Variants in PADI2 observed in about 807,000 individuals in gnomAD.
PADI2 encodes protein-arginine deiminase type-2.
A neutral mutation model predicts 81.1 loss-of-function variants in PADI2; 70 were observed. The observed-to-expected ratio is 0.86, with a 90% CI of 0.71 to 1.05. The LOEUF (loss-of-function observed/expected upper bound fraction) is 1.05, where lower values mean the gene tolerates loss of function less well. Ranked by LOEUF, PADI2 falls within the 50% of genes least tolerant of loss-of-function variation. The pLI, the probability that PADI2 is intolerant of heterozygous loss-of-function variation, is 0.00. For missense variants in PADI2, 853 were observed against 889.9 expected (o/e 0.96, Z 0.53); for synonymous variants, 338 against 358.0 (o/e 0.94, Z 0.63).
At chr1:17,105,637 G>A (rs894198894) in intron 1 of PADI2, among the ~76,000 whole-genome samples, 6 of 151,970 alleles carry the variant, frequency 3.9e-5, no homozygotes, top group African/African-American at 4.8e-5. Context: ...CAGGTGATCC[G>A]CCTGCCTTGG....
chr1:17,083,044 ATT>A (rs11368051), intron 9 of PADI2: 3 of 158,358 alleles, frequency 1.9e-5, no homozygotes, highest in Non-Finnish European at 2.8e-5. Context: ...TAATTTTTAA[ATT>A]TTTTTTTGTG....
intron 3 of PADI2, among the ~76,000 whole-genome samples, chr1:17,102,754 G>T (rs574269845): frequency 2.8e-4 from 42 of 151,378 alleles, no homozygotes; most frequent in Middle Eastern, 3.4e-3. Context: ...TGACACTTGG[G>T]GGGGGGTTGC....
chr1:17,093,502 C>A, intron 5 of PADI2, 65 bp downstream of exon 5: 1 of 1,094,392 alleles, frequency 9.1e-7, no homozygotes, highest in South Asian at 1.3e-5. Context: ...CAGCCCAGCC[C>A]AGGACTGGGC....
chr1:17,098,888 C>T (rs971070530), intron 3 of PADI2, among the ~76,000 whole-genome samples: 15 of 152,246 alleles, frequency 9.9e-5, no homozygotes, highest in African/African-American at 3.1e-4. Context: ...GCTGGTGTGA[C>T]CTGCCCAGAG....
At position 17,104,982 on chromosome 1, in the gene PADI2, C is replaced by T. The variant is rs369429857; in HGVS notation, c.172G>A (p.Ala58Thr). The change falls in exon 2 of 16, where the codon GCT becomes ACT. Residue 58 changes from alanine to threonine, a missense_variant. By Grantham distance (58) the Ala-to-Thr change is moderately conservative. Coordinates refer to ENST00000375486, the MANE Select transcript of PADI2 (RefSeq NM_007365.3). Reference protein sequence around the residue: ...VWVEVVRDGEAEEVATNGKQR... With the variant: ...VWVEVVRDGETEEVATNGKQR... ...TTGCCATTGGTGGCCACCTCCTCAG[C>T]CTCCCCATCACGCACCACCTCCACC... The T allele has an allele frequency of 2.5e-6, 4 of 1,606,192 alleles. No homozygotes were observed. The highest frequency in any genetic ancestry group is 3.4e-6 in the Non-Finnish European group (4 of 1,177,196).
In PADI2 at chr1:17,083,737, G is replaced by GATC. The variant is rs1557762171; in HGVS notation, c.1036_1038dup (p.Asp346dup). ...CCTGGGCTCCTTACCTGGATCCAGC[G>GATC]ATCGCCTCGGTTTAGGTACTGGAAG... On this transcript the variant is annotated inframe_insertion, in exon 9 of 16. Transcript: ENST00000375486. 1 of 1,610,240 alleles carries GATC rather than the reference G, an allele frequency of 6.2e-7. No homozygotes were observed. The highest frequency in any genetic ancestry group is 2.2e-5 in the East Asian group (1 of 44,866).
intron 6 of PADI2, among the ~76,000 whole-genome samples, chr1:17,091,112 C>T (rs983411552): frequency 1.3e-5 from 2 of 151,548 alleles, no homozygotes; most frequent in Non-Finnish European, 2.9e-5. Flanking sequence ...TGCTTGGAGC[C>T]CAGGGTGGAT....
chr1:17,102,759 G>GA (rs1553183555), intron 3 of PADI2, among the ~76,000 whole-genome samples: 1 of 151,036 alleles, frequency 6.6e-6, no homozygotes, highest in African/African-American at 2.4e-5. Flanking sequence ...CTTGGGGGGG[G>GA]GTTGCTGATG....
intron 3 of PADI2, among the ~76,000 whole-genome samples, chr1:17,098,631 G>A (rs1216668437): frequency 6.6e-6 from 1 of 152,092 alleles, no homozygotes; most frequent in East Asian, 1.9e-4. Flanking sequence ...TTCCTGTTAC[G>A]AAATGTGGGC....
At position 17,074,914 on chromosome 1, in the gene PADI2, G is replaced by A; in HGVS notation, c.1491C>T (p.Cys497=). The part of the protein sequence containing the change: ...FLLLMASTSA[C]YKLFREKQKD... ...TCTGCTTCTCTCGGAAGAGCTTGTAGCAGGCCGAGGTGCTGGCCATGAGTA... is the reference window on the plus strand; with the variant it reads ...TCTGCTTCTCTCGGAAGAGCTTGTAACAGGCCGAGGTGCTGGCCATGAGTA... Residue 497 remains cysteine (C), a synonymous_variant, in exon 13 of 16, where the codon TGC becomes TGT. Coordinates refer to ENST00000375486, the MANE Select transcript of PADI2 (RefSeq NM_007365.3). 1 of 1,613,330 alleles carries A rather than the reference G, an allele frequency of 6.2e-7. No homozygotes were observed. The highest frequency in any genetic ancestry group is 1.1e-5 in the South Asian group (1 of 90,950).
intron 3 of PADI2, among the ~76,000 whole-genome samples, chr1:17,102,547 C>T (rs1931178290): frequency 6.6e-6 from 1 of 152,212 alleles, no homozygotes; most frequent in Non-Finnish European, 1.5e-5. Context: ...GAGGCTGCAT[C>T]TCTGCACCCT....
intron 13 of PADI2, among the ~76,000 whole-genome samples, chr1:17,074,307 G>A (rs569402738): frequency 2.0e-5 from 3 of 150,746 alleles, no homozygotes; most frequent in African/African-American, 7.3e-5. Context: ...CAGGAGAATC[G>A]CTTGAACCTG....
chr1:17,087,610 C>G (rs1357759659), intron 6 of PADI2, among the ~76,000 whole-genome samples: 1 of 152,254 alleles, frequency 6.6e-6, no homozygotes, highest in South Asian at 2.1e-4. Flanking sequence ...AAGCGATTCT[C>G]CTGCCTCAGC....
In PADI2 at chr1:17,075,762, C is replaced by A; in HGVS notation, c.1372G>T (p.Ala458Ser). The A allele has an allele frequency of 4.3e-6, 7 of 1,613,956 alleles. No individual in the cohort carries two copies. The highest frequency in any genetic ancestry group is 5.9e-6 in the Non-Finnish European group (7 of 1,179,852). ...RDFLKAQQVQ[A>S]PVELYSDWLT... The stretch of plus-strand genomic sequence containing the variant: ...CAGTCTGAGTAGAGCTCCACGGGCG[C>A]CTGCACCTGCTGGGCCTTCAGGAAG... Residue 458 changes from alanine to serine, a missense_variant, in exon 12 of 16, where the codon GCG (alanine) becomes TCG (serine). Coordinates refer to ENST00000375486, the MANE Select transcript of PADI2 (RefSeq NM_007365.3).
intron 13 of PADI2, among the ~76,000 whole-genome samples, 164 bp downstream of exon 13, chr1:17,074,692 G>A (rs1015725088): frequency 1.6e-4 from 25 of 152,236 alleles, no homozygotes; most frequent in African/African-American, 6.0e-4. Context: ...GGAGGCCAGA[G>A]GTGCTTCCCA....
chr1:17,079,510 T>C (rs1482379359), intron 10 of PADI2, 95 bp from the exon 11 acceptor site: 1 of 1,057,122 alleles, frequency 9.5e-7, no homozygotes, highest in Non-Finnish European at 1.4e-6. Context: ...AGTCTGGGTC[T>C]GTGGGCACCC....
intron 8 of PADI2, 45 bp from the exon 9 acceptor site, chr1:17,083,882 G>A (rs368055010): frequency 4.5e-6 from 5 of 1,119,736 alleles, no homozygotes; most frequent in East Asian, 4.7e-5. Context: ...AAAGGGTGAG[G>A]AGGGGCCAGA....
chr1:17,102,271 G>A (rs1420695017), intron 3 of PADI2, among the ~76,000 whole-genome samples: 2 of 152,178 alleles, frequency 1.3e-5, no homozygotes, highest in African/African-American at 2.4e-5. Context: ...TCAGTTTCAG[G>A]GGGTGGAGTG....
Position 17,085,473 on chromosome 1 carries a change from G to A in PADI2, c.835-771C>T, listed in dbSNP as rs141166667. Among the ~76,000 whole-genome samples, 116 of 152,246 alleles carry A rather than the reference G, an allele frequency of 7.6e-4. 2 individuals are homozygous for A. In the South Asian group the frequency reaches 0.022, roughly 29 times the overall value. The stretch of plus-strand genomic sequence containing the variant: ...GGGTGCCATAAGAAGCCCCATCCCC[G>A]TCCCCTATCCTGTTAGCTTTGCCTT... On this transcript the variant is annotated intron_variant, in intron 7 of 15. Transcript: ENST00000375486.
Sources: gnomAD v4.1 joint callset for allele counts (sites outside exome capture counted in the v4.1 genomes callset) on GRCh38, gnomAD v4.1.1 for gene constraint, MANE v1.5 for transcripts, NCBI Gene and HGNC (gene_info 2026-07-23, HGNC 2026-07-21) for gene names.